The following COL8A1 variants were observed in gnomAD, a reference collection of about 807,000 sequenced individuals.
COL8A1 encodes the protein collagen type VIII alpha 1 chain.
COL8A1 carries 21 observed loss-of-function variants against 42.7 expected under a neutral mutation model. The ratio of observed to expected loss-of-function variants is 0.49; its 90% CI spans 0.35 to 0.71. COL8A1 has a LOEUF of 0.71. Ranked by LOEUF, COL8A1 falls within the 30% of genes least tolerant of loss-of-function variation. COL8A1 has a pLI of 0.01. For synonymous variants in COL8A1, 367 were observed against 369.1 expected (o/e 0.99, Z 0.06); for missense variants, 788 against 962.4 (o/e 0.82, Z 2.40).
intron 1 of COL8A1, among the ~76,000 whole-genome samples, chr3:99,671,938 A>G (rs1237917955): frequency 2.0e-5 from 3 of 152,092 alleles, no homozygotes; most frequent in Admixed American, 6.6e-5. Context: ...CAAGTATTCA[A>G]TTATGTAGAA....
chr3:99,748,809 G>C (rs888107111), intron 2 of COL8A1, among the ~76,000 whole-genome samples: 3 of 152,196 alleles, frequency 2.0e-5, no homozygotes, highest in African/African-American at 7.2e-5. Context: ...GGCTTCATTA[G>C]TTGATGCCCC....
At chr3:99,734,869 C>A (rs1362842049) in intron 1 of COL8A1, among the ~76,000 whole-genome samples, 1 of 152,042 alleles carries the variant, frequency 6.6e-6, no homozygotes, top group Admixed American at 6.5e-5. Flanking sequence ...CCTTCACATC[C>A]CTTGTAAGTT....
chr3:99,793,887 G>A, intron 3 of COL8A1, among the ~76,000 whole-genome samples: 1 of 152,116 alleles, frequency 6.6e-6, no homozygotes, highest in East Asian at 1.9e-4. Context: ...AAGTAGCTGG[G>A]ACTACAGGCA....
chr3:99,647,127 T>A (rs746653138), intron 1 of COL8A1, among the ~76,000 whole-genome samples: 13 of 152,206 alleles, frequency 8.5e-5, no homozygotes, highest in African/African-American at 2.9e-4. Flanking sequence ...AATTTTTATA[T>A]GCTATATATA....
intron 1 of COL8A1, among the ~76,000 whole-genome samples, chr3:99,641,328 T>C (rs1231013685): frequency 1.3e-5 from 2 of 152,164 alleles, no homozygotes; most frequent in Non-Finnish European, 2.9e-5. Flanking sequence ...TTTTTATTTG[T>C]TTGTTGTTTT....
chr3:99,663,187 A>C (rs1433209384), intron 1 of COL8A1, among the ~76,000 whole-genome samples: 1 of 152,124 alleles, frequency 6.6e-6, no homozygotes, highest in Non-Finnish European at 1.5e-5. Flanking sequence ...TTGAGAGGTG[A>C]GGTCTCACTC....
intron 1 of COL8A1, among the ~76,000 whole-genome samples, chr3:99,648,322 G>GA (rs1206109839): frequency 6.6e-6 from 1 of 151,792 alleles, no homozygotes; most frequent in Non-Finnish European, 1.5e-5. Context: ...TATCATGGAG[G>GA]AAAAAAATAA....
chr3:99,678,423 G>T (rs1183101555), intron 1 of COL8A1: 14 of 152,146 alleles, frequency 9.2e-5, no homozygotes. Context: ...TAGAAGGAAA[G>T]ACAATGGTGA....
chr3:99,684,296 G>A (rs541413243), intron 1 of COL8A1, among the ~76,000 whole-genome samples: 5 of 152,254 alleles, frequency 3.3e-5, no homozygotes, highest in African/African-American at 1.2e-4. Context: ...AAACAATCTT[G>A]TAAGGCAAGG....
intron 1 of COL8A1, among the ~76,000 whole-genome samples, chr3:99,672,608 C>T (rs1037622506): frequency 6.6e-5 from 10 of 151,858 alleles, no homozygotes; most frequent in African/African-American, 2.2e-4. Context: ...ACTTTATTCA[C>T]TCCATTATCA....
At chr3:99,718,685 T>G (rs1470636672) in intron 1 of COL8A1, among the ~76,000 whole-genome samples, 1 of 152,080 alleles carries the variant, frequency 6.6e-6, no homozygotes, top group Non-Finnish European at 1.5e-5. Flanking sequence ...TAACCTTTTT[T>G]CTGGGGTAAG....
chr3:99,668,261 C>T (rs1018912771), intron 1 of COL8A1, among the ~76,000 whole-genome samples: 8 of 152,082 alleles, frequency 5.3e-5, no homozygotes, highest in Non-Finnish European at 5.9e-5. Flanking sequence ...ATCAGGTTTT[C>T]GGTCCATTTA....
At chr3:99,670,068 T>C (rs1213156603) in intron 1 of COL8A1, among the ~76,000 whole-genome samples, 1 of 152,144 alleles carries the variant, frequency 6.6e-6, no homozygotes, top group Non-Finnish European at 1.5e-5. Flanking sequence ...TAGATTCATA[T>C]CTGACTCAGC....
At position 99,663,590 on chromosome 3, in the gene COL8A1, T is replaced by C. The variant is rs192858756; in HGVS notation, c.-129+24926T>C. ...ATTCCAATGCAAGCTGATGTCTAAC[T>C]CTTTGACCTTTAAATCATATTTTCC... On this transcript the variant is annotated intron_variant, in intron 1 of 3. Coordinates refer to ENST00000652472, the MANE Select transcript of COL8A1 (RefSeq NM_020351.4). Among the ~76,000 whole-genome samples the C allele has an allele frequency of 4.6e-5, 7 of 152,294 alleles. No individual in the cohort carries two copies. The East Asian group carries it at 1.3e-3, about 29-fold the overall frequency.
At chr3:99,737,631 C>G (rs1261760729) in intron 1 of COL8A1, among the ~76,000 whole-genome samples, 2 of 152,090 alleles carry the variant, frequency 1.3e-5, no homozygotes, top group African/African-American at 4.8e-5. Context: ...TGAGGGTAAC[C>G]CGACCTTTCT....
intron 1 of COL8A1, among the ~76,000 whole-genome samples, chr3:99,652,940 C>T (rs569264566): frequency 6.6e-6 from 1 of 152,258 alleles, no homozygotes; most frequent in East Asian, 1.9e-4. Context: ...ATAAAAAGCA[C>T]TGAAGTTAGC....
At chr3:99,738,189 A>G in intron 1 of COL8A1, among the ~76,000 whole-genome samples, 1 of 152,178 alleles carries the variant, frequency 6.6e-6, no homozygotes, top group Non-Finnish European at 1.5e-5. Context: ...CATAGCTCAG[A>G]GTAATTTGAT....
At chr3:99,673,154 T>A (rs1473403430) in intron 1 of COL8A1, among the ~76,000 whole-genome samples, 1 of 151,938 alleles carries the variant, frequency 6.6e-6, no homozygotes, top group Non-Finnish European at 1.5e-5. Context: ...GATTTAGACA[T>A]GTAGACTCTC....
chr3:99,695,693 CATTT>C (rs1010603013), intron 1 of COL8A1, among the ~76,000 whole-genome samples: 2 of 152,044 alleles, frequency 1.3e-5, no homozygotes, highest in African/African-American at 2.4e-5. Flanking sequence ...TTTCATCATT[CATTT>C]ATTTGTTGTT....
Sources: allele counts gnomAD v4.1 joint callset (sites outside exome capture counted in the v4.1 genomes callset), GRCh38; gene constraint gnomAD v4.1.1; transcripts MANE v1.5; gene names NCBI Gene and HGNC (gene_info 2026-07-23, HGNC 2026-07-21).